Variants in MBNL1 observed in about 807,000 individuals in gnomAD.
The protein encoded by MBNL1 is muscleblind-like protein 1.
In MBNL1, 8 loss-of-function variants were observed where a neutral mutation model predicts 42.2. The ratio of observed to expected loss-of-function variants is 0.19; its 90% CI spans 0.11 to 0.34. MBNL1 has a LOEUF of 0.34. Ranked by LOEUF, MBNL1 falls within the 10% of genes least tolerant of loss-of-function variation. The pLI, the probability that MBNL1 is intolerant of heterozygous loss-of-function variation, is 1.00. For synonymous variants in MBNL1, 169 were observed against 173.9 expected (o/e 0.97, Z 0.22); for missense variants, 309 against 495.3 (o/e 0.62, Z 3.57).
intron 1 of MBNL1, among the ~76,000 whole-genome samples, chr3:152,284,333 A>AT (rs932384474): frequency 6.6e-6 from 1 of 151,880 alleles, no homozygotes; most frequent in African/African-American, 2.4e-5. Context: ...CAAGATTATA[A>AT]TTTTTTTTAA....
In MBNL1 at chr3:152,422,208, T is replaced by C. The variant is rs184344490; in HGVS notation, c.345+7097T>C. 9.2e-5 allele frequency among the ~76,000 whole-genome samples: 13 copies of C among 140,764 alleles called. No homozygotes were observed. In the East Asian group the frequency reaches 2.7e-3, roughly 29 times the overall value. The allele number at this position is 140,764 out of a possible 152,430, so 92.3% of individuals were successfully genotyped here. ...CCCATCCTACGTGCAAAGACACACA[T>C]AGTCTCAAAATAAAGGGAAAATAAA... On this transcript the variant is annotated intron_variant, in intron 3 of 9. Coordinates refer to ENST00000324210, the MANE Select transcript of MBNL1 (RefSeq NM_021038.5).
At chr3:152,252,008 AT>A (rs755764607) in intron 2 of MBNL1, among the ~76,000 whole-genome samples, 15 of 151,956 alleles carry the variant, frequency 9.9e-5, no homozygotes, top group Non-Finnish European at 1.9e-4. Context: ...TTAATTATTA[AT>A]TTATGTATCT....
chr3:152,371,578 A>G (rs2096661847), intron 2 of MBNL1, among the ~76,000 whole-genome samples: 1 of 152,194 alleles, frequency 6.6e-6, no homozygotes, highest in Non-Finnish European at 1.5e-5. Context: ...CCTGGGCAAC[A>G]AGAGTGAAAC....
intron 4 of MBNL1, among the ~76,000 whole-genome samples, chr3:152,437,363 G>A (rs2099092101): frequency 6.6e-6 from 1 of 152,122 alleles, no homozygotes; most frequent in South Asian, 2.1e-4. Flanking sequence ...CATCTTTACA[G>A]CACCCAGTGT....
chr3:152,261,130 T>A (rs1478857017), intron 2 of MBNL1, among the ~76,000 whole-genome samples: 1 of 152,126 alleles, frequency 6.6e-6, no homozygotes, highest in Non-Finnish European at 1.5e-5. Context: ...TGGCTGCGCT[T>A]TGAAATCATC....
intron 2 of MBNL1, among the ~76,000 whole-genome samples, chr3:152,257,747 G>A (rs181285464): frequency 1.4e-4 from 22 of 152,246 alleles, no homozygotes; most frequent in African/African-American, 5.3e-4. Context: ...CCTTAAATAA[G>A]CAAGAAGACA....
At chr3:152,343,585 C>A (rs1245863448) in intron 2 of MBNL1, among the ~76,000 whole-genome samples, 1 of 152,040 alleles carries the variant, frequency 6.6e-6, no homozygotes, top group African/African-American at 2.4e-5. Context: ...GGATCCCAAG[C>A]CATCAAAGGG....
intron 1 of MBNL1, among the ~76,000 whole-genome samples, chr3:152,271,211 A>G (rs1014048670): frequency 1.3e-5 from 2 of 152,216 alleles, no homozygotes; most frequent in African/African-American, 2.4e-5. Context: ...TGAATTCATT[A>G]AATTTTGATT....
chr3:152,255,598 A>G (rs1311945039), intron 2 of MBNL1, among the ~76,000 whole-genome samples: 1 of 152,120 alleles, frequency 6.6e-6, no homozygotes, highest in African/African-American at 2.4e-5. Context: ...ATAGTTACGG[A>G]CAAGATCAAG....
chr3:152,349,933 C>A (rs2094754777), intron 2 of MBNL1, among the ~76,000 whole-genome samples: 1 of 152,026 alleles, frequency 6.6e-6, no homozygotes, highest in South Asian at 2.1e-4. Flanking sequence ...TTGATGTTTT[C>A]TCTTTCTTTT....
intron 6 of MBNL1, among the ~76,000 whole-genome samples, chr3:152,452,302 T>G (rs1724915211): frequency 6.6e-6 from 1 of 152,192 alleles, no homozygotes; most frequent in Non-Finnish European, 1.5e-5. Flanking sequence ...ATTTCTTTTT[T>G]CGTTGAAATT....
chr3:152,342,623 G>T (rs970502620), intron 2 of MBNL1, among the ~76,000 whole-genome samples: 2 of 149,786 alleles, frequency 1.3e-5, no homozygotes, highest in East Asian at 4.0e-4. Context: ...AGCAAAACTC[G>T]TGCTCTTTCT....
chr3:152,451,310 C>T (rs1722509344), intron 6 of MBNL1, among the ~76,000 whole-genome samples: 2 of 152,178 alleles, frequency 1.3e-5, no homozygotes, highest in African/African-American at 4.8e-5. Flanking sequence ...TTACTACATA[C>T]TTTAACTTTT....
intron 2 of MBNL1, among the ~76,000 whole-genome samples, chr3:152,261,727 A>G (rs951387735): frequency 1.3e-5 from 2 of 152,324 alleles, no homozygotes; most frequent in South Asian, 4.1e-4. Flanking sequence ...ACAGCATGAA[A>G]AATCTGAACA....
At chr3:152,316,758 A>G (rs748915532) in intron 2 of MBNL1, among the ~76,000 whole-genome samples, 1 of 152,166 alleles carries the variant, frequency 6.6e-6, no homozygotes, top group Admixed American at 6.5e-5. Flanking sequence ...GAGAAGATGT[A>G]TTTATCTCCT....
chr3:152,301,671 A>G (rs1326223516), intron 2 of MBNL1, among the ~76,000 whole-genome samples: 1 of 152,200 alleles, frequency 6.6e-6, no homozygotes, highest in African/African-American at 2.4e-5. Context: ...TCAATAAGCA[A>G]AAGTTATAAA....
chr3:152,338,187 C>T, intron 2 of MBNL1: 1 of 985,422 alleles, frequency 1.0e-6, no homozygotes, highest in Non-Finnish European at 1.2e-6. Flanking sequence ...GGCCTATCTC[C>T]ATGTATTTTG....
chr3:152,363,812 T>G (rs1578722093), intron 2 of MBNL1, among the ~76,000 whole-genome samples: 1 of 152,174 alleles, frequency 6.6e-6, no homozygotes, highest in African/African-American at 2.4e-5. Flanking sequence ...TATCATTACC[T>G]TATTTGATAT....
rs35150728 is a variant in MBNL1 at position 152,387,241 on chromosome 3, A to AT, written c.175-27683dup. 5.8e-3 allele frequency among the ~76,000 whole-genome samples: 791 copies of AT among 136,246 alleles called. 7 individuals are homozygous for AT. Among genetic ancestry groups the AT allele is most frequent in the East Asian group, 0.028 (135 of 4,766 alleles). 89.4% of individuals were successfully genotyped at this position (136,246 alleles called of 152,430 possible). A position where few individuals can be genotyped will look rare whatever the true frequency, so the allele number is the denominator to read the frequency against. ...ATTTTTAAGCTATTCCAGTCTGTGT[A>AT]TTTTTTTTTTTTTTTTTGGTCTTTG... On this transcript the variant is annotated intron_variant, in intron 2 of 9. Transcript: ENST00000324210.
Sources: allele counts gnomAD v4.1 joint callset (sites outside exome capture counted in the v4.1 genomes callset), GRCh38; gene constraint gnomAD v4.1.1; transcripts MANE v1.5; gene names NCBI Gene and HGNC (gene_info 2026-07-23, HGNC 2026-07-21).